The following MMP26 variants were observed in gnomAD, a reference collection of about 807,000 sequenced individuals.
MMP26 encodes matrix metallopeptidase 26.
In MMP26, 33 loss-of-function variants were observed where a neutral mutation model predicts 31.0. The observed-to-expected ratio is 1.06, with a 90% CI of 0.81 to 1.42. MMP26 has a LOEUF of 1.42. Among genes scored for constraint, MMP26 ranks in the 40% most tolerant of loss-of-function variants. MMP26 has a pLI of 0.00. For synonymous variants in MMP26, 122 were observed against 114.9 expected, an observed-to-expected ratio of 1.06 and a Z score of -0.40; for missense variants, 347 against 316.1, an observed-to-expected ratio of 1.10 and a Z score of -0.74.
At position 4,924,268 on chromosome 11, in the gene MMP26, A is replaced by G. The variant is rs368339498; in HGVS notation, c.-144-63800A>G. ...AGGGAATAGAGATCCAGCCATGGAGACCTTCTAGACCTTGGAAGCCCGTCA... is the reference window on the plus strand; with the variant it reads ...AGGGAATAGAGATCCAGCCATGGAGGCCTTCTAGACCTTGGAAGCCCGTCA... On this transcript the variant is annotated intron_variant, in intron 2 of 7. Coordinates refer to ENST00000380390, the MANE Select transcript of MMP26 (RefSeq NM_021801.5). The G allele has an allele frequency of 2.7e-4, 434 of 1,613,964 alleles. No homozygotes were observed. In the South Asian group the frequency reaches 4.1e-3, roughly 15 times the overall value.
At chr11:4,840,081 G>A (rs1849773428) in intron 2 of MMP26, among the ~76,000 whole-genome samples, 1 of 152,068 alleles carries the variant, frequency 6.6e-6, no homozygotes, top group Non-Finnish European at 1.5e-5. Flanking sequence ...ACAGGATGAG[G>A]GTCCTTTGCC....
chr11:4,901,379 C>T (rs1272759837), intron 2 of MMP26, among the ~76,000 whole-genome samples: 1 of 151,912 alleles, frequency 6.6e-6, no homozygotes, highest in Non-Finnish European at 1.5e-5. Context: ...CCGGGATGGT[C>T]TCAATCTCCT....
intron 2 of MMP26, among the ~76,000 whole-genome samples, chr11:4,959,876 TG>T (rs1238768204): frequency 6.6e-6 from 1 of 152,036 alleles, no homozygotes; most frequent in Admixed American, 6.6e-5. Flanking sequence ...CCTGTGTGAG[TG>T]TGTATGTGTA....
intron 2 of MMP26, among the ~76,000 whole-genome samples, chr11:4,780,330 C>A (rs1400989622): frequency 6.6e-6 from 1 of 152,082 alleles, no homozygotes; most frequent in Admixed American, 6.5e-5. Flanking sequence ...TTAGTATCTG[C>A]ATCATCACTA....
chr11:4,781,017 A>C (rs1009502423), intron 2 of MMP26, among the ~76,000 whole-genome samples: 1 of 152,148 alleles, frequency 6.6e-6, no homozygotes, highest in Non-Finnish European at 1.5e-5. Context: ...CATGCAAAGC[A>C]AAAGAAGTTA....
At chr11:4,890,179 A>C (rs1405782600) in intron 2 of MMP26, 2 of 152,524 alleles carry the variant, frequency 1.3e-5, no homozygotes, top group Non-Finnish European at 2.9e-5. Context: ...GATACAGCTC[A>C]CCAGTACCTC....
intron 2 of MMP26, among the ~76,000 whole-genome samples, chr11:4,853,620 C>A (rs544256623): frequency 5.3e-5 from 8 of 152,030 alleles, no homozygotes; most frequent in South Asian, 2.1e-4. Context: ...TCTAAACAGA[C>A]CTATAACAAA....
In MMP26 at chr11:4,888,258, G is replaced by T. The variant is rs561497256; in HGVS notation, c.-144-99810G>T. On this transcript the variant is annotated intron_variant, in intron 2 of 7. Coordinates refer to ENST00000380390, the MANE Select transcript of MMP26 (RefSeq NM_021801.5). ...TACTACTAAGTACTCACAAGTAAAA[G>T]ATAGACAAGAAACAAATGATTTTTA... Among the ~76,000 whole-genome samples, 6 of 152,152 alleles carry T rather than the reference G, an allele frequency of 3.9e-5. No homozygotes were observed. The South Asian group carries it at 1.2e-3, about 32-fold the overall frequency.
At chr11:4,796,348 A>G (rs944366003) in intron 2 of MMP26, among the ~76,000 whole-genome samples, 1 of 152,248 alleles carries the variant, frequency 6.6e-6, no homozygotes, top group Non-Finnish European at 1.5e-5. Flanking sequence ...CCTCAGATAG[A>G]ATTGCCTTCT....
At chr11:4,918,893 G>A (rs1468700999) in intron 2 of MMP26, among the ~76,000 whole-genome samples, 1 of 152,156 alleles carries the variant, frequency 6.6e-6, no homozygotes, top group African/African-American at 2.4e-5. Flanking sequence ...CTTGTTTCTT[G>A]GAAATAACTC....
Position 4,872,733 on chromosome 11 carries a change from C to T in MMP26, c.-145+105392C>T, listed in dbSNP as rs145721897. Among the ~76,000 whole-genome samples, 66 of 152,106 alleles carry T rather than the reference C, an allele frequency of 4.3e-4. 1 individual carries two copies. The highest frequency in any genetic ancestry group is 3.4e-3 in the Middle Eastern group (1 of 294). ...AAGAGTATGGAAGTGAAGTTCAATA[C>T]TACATAGAAGGGAAGGACTCTCAAT... On this transcript the variant is annotated intron_variant, in intron 2 of 7. Coordinates refer to ENST00000380390, the MANE Select transcript of MMP26 (RefSeq NM_021801.5).
At chr11:4,924,221 A>T (rs1251492185) in intron 2 of MMP26, 18 of 1,614,154 alleles carry the variant, frequency 1.1e-5, no homozygotes, top group Non-Finnish European at 1.4e-5. Flanking sequence ...CCCCAAGATA[A>T]CTGTCAGGTA....
At chr11:4,915,359 C>T in intron 2 of MMP26, 1 of 1,614,010 alleles carries the variant, frequency 6.2e-7, no homozygotes, top group Non-Finnish European at 8.5e-7. Context: ...CTGAGCAAAG[C>T]AGGCATCATG....
intron 2 of MMP26, among the ~76,000 whole-genome samples, chr11:4,958,503 A>G (rs1846474433): frequency 6.6e-6 from 1 of 151,842 alleles, no homozygotes; most frequent in Non-Finnish European, 1.5e-5. Context: ...ATAATGCCTT[A>G]CTCTGCTTCT....
chr11:4,825,672 T>C (rs1367108075), intron 2 of MMP26, among the ~76,000 whole-genome samples: 1 of 152,138 alleles, frequency 6.6e-6, no homozygotes, highest in Non-Finnish European at 1.5e-5. Context: ...CTTCATCCAG[T>C]CAATCACAAA....
At chr11:4,887,074 A>G (rs1201622597) in intron 2 of MMP26, among the ~76,000 whole-genome samples, 5 of 151,790 alleles carry the variant, frequency 3.3e-5, no homozygotes, top group African/African-American at 7.3e-5. Context: ...TAATGTTCTG[A>G]TATTTCTTGA....
intron 2 of MMP26, among the ~76,000 whole-genome samples, chr11:4,904,585 C>G (rs114706336): frequency 6.6e-6 from 1 of 152,018 alleles, no homozygotes; most frequent in Admixed American, 6.6e-5. Context: ...TTCATTTACT[C>G]TTTGGTTTCA....
At chr11:4,840,198 A>G (rs1564791639) in intron 2 of MMP26, among the ~76,000 whole-genome samples, 1 of 152,172 alleles carries the variant, frequency 6.6e-6, no homozygotes, top group Non-Finnish European at 1.5e-5. Context: ...TTTTGACCCT[A>G]GTGCCTAAAT....
At chr11:4,781,983 G>A (rs1357769648) in intron 2 of MMP26, among the ~76,000 whole-genome samples, 1 of 152,196 alleles carries the variant, frequency 6.6e-6, no homozygotes, top group East Asian at 1.9e-4. Context: ...AAATGGAACT[G>A]TAAGTCCAAT....
Sources: gnomAD v4.1 joint callset for allele counts (sites outside exome capture counted in the v4.1 genomes callset) on GRCh38, gnomAD v4.1.1 for gene constraint, MANE v1.5 for transcripts, NCBI Gene and HGNC (gene_info 2026-07-23, HGNC 2026-07-21) for gene names.